Variants in PRDM9 observed in about 807,000 individuals in gnomAD.
PRDM9 encodes PR/SET domain 9.
In PRDM9, 47 loss-of-function variants were observed where a neutral mutation model predicts 55.6. That is an observed-to-expected ratio of 0.85 (90% CI 0.67 to 1.08). The LOEUF is 1.08. PRDM9 is among the 50% of genes least tolerant of loss of function. The pLI, the probability that PRDM9 is intolerant of heterozygous loss-of-function variation, is 0.00. For synonymous variants in PRDM9, 312 were observed against 375.7 expected, an observed-to-expected ratio of 0.83 and a Z score of 1.96; for missense variants, 867 against 1,040.3, an observed-to-expected ratio of 0.83 and a Z score of 2.29.
chr5:23,515,907 G>A (rs1003004951), intron 4 of PRDM9, among the ~76,000 whole-genome samples: 10 of 152,092 alleles, frequency 6.6e-5, no homozygotes, highest in African/African-American at 1.9e-4. Flanking sequence ...TTTTCTGATC[G>A]CTGTAGCTTT....
chr5:23,517,555 G>A (rs1480684374), intron 4 of PRDM9, among the ~76,000 whole-genome samples: 2 of 152,172 alleles, frequency 1.3e-5, no homozygotes, highest in Admixed American at 6.5e-5. Flanking sequence ...GGAGGCAGAC[G>A]CAGGTGGATC....
chr5:23,507,898 A>C (rs1054654768), intron 1 of PRDM9, among the ~76,000 whole-genome samples, 186 bp downstream of exon 1: 8 of 151,966 alleles, frequency 5.3e-5, no homozygotes, highest in African/African-American at 1.9e-4. Flanking sequence ...CCCTTCACCC[A>C]GAGGAACAGC....
In PRDM9 at chr5:23,526,274, G is replaced by T; in HGVS notation, c.1186G>T (p.Ala396Ser). 1 of 1,614,110 alleles carries T rather than the reference G, an allele frequency of 6.2e-7. No homozygotes were observed. Among genetic ancestry groups the T allele is most frequent in the South Asian group, 1.1e-5 (1 of 91,078 alleles). The change falls in exon 11 of 11, where the codon GCC (alanine) becomes TCC (serine). Residue 396 changes from alanine (A) to serine (S), a missense_variant. Around this residue, in one of 5 missense-constraint regions of PRDM9, gnomAD observed 662 missense variants for 711.9 expected, o/e 0.93. Coordinates refer to ENST00000296682, the MANE Select transcript of PRDM9 (RefSeq NM_020227.4). Reference sequence around the variant, plus strand: ...CCATCCATGTCCCTCATGCTGTCTGGCCTTTTCAAGTCAGAAATTTCTCAG... The same window carrying T: ...CCATCCATGTCCCTCATGCTGTCTGTCCTTTTCAAGTCAGAAATTTCTCAG... The part of the protein sequence containing the change: ...EIHPCPSCCL[A>S]FSSQKFLSQH...
Position 23,527,315 on chromosome 5 carries a change from A to C in PRDM9, c.2227A>C (p.Thr743Pro). The C allele has an allele frequency of 6.4e-7, 1 of 1,550,622 alleles. No homozygotes were observed. Among genetic ancestry groups the C allele is most frequent in the South Asian group, 1.1e-5 (1 of 87,342 alleles). ...SHLLRHQRTH[T>P]GEKPYVCREC... ...CCTCCTCAGACACCAGAGGACACACACAGGGGAGAAGCCCTATGTCTGCAG... is the reference window on the plus strand; with the variant it reads ...CCTCCTCAGACACCAGAGGACACACCCAGGGGAGAAGCCCTATGTCTGCAG... Residue 743 changes from threonine to proline, a missense_variant, in exon 11 of 11, where the codon ACA becomes CCA. Physicochemically the swap from Thr to Pro is conservative, Grantham distance 38. This residue lies in a region of PRDM9 where 92 missense variants were observed against 185.7 expected (regional missense o/e 0.50). Coordinates refer to ENST00000296682, the MANE Select transcript of PRDM9 (RefSeq NM_020227.4).
intron 4 of PRDM9, among the ~76,000 whole-genome samples, chr5:23,515,614 CTG>C (rs1739195323): frequency 6.6e-6 from 1 of 152,130 alleles, no homozygotes; most frequent in African/African-American, 2.4e-5. Flanking sequence ...AGCTTTTCCT[CTG>C]TGTTTTCTTC....
chr5:23,512,633 A>G (rs1453409395), intron 4 of PRDM9, among the ~76,000 whole-genome samples: 1 of 152,198 alleles, frequency 6.6e-6, no homozygotes, highest in Admixed American at 6.5e-5. Flanking sequence ...TTACTGTGGT[A>G]AGAAATCATA....
chr5:23,517,025 C>T (rs1354735889), intron 4 of PRDM9, among the ~76,000 whole-genome samples: 8 of 150,292 alleles, frequency 5.3e-5, no homozygotes, highest in East Asian at 4.1e-4. Flanking sequence ...TGGTGGTGGG[C>T]GCCTGTAGTC....
chr5:23,511,357 T>G (rs1739094199), intron 4 of PRDM9, among the ~76,000 whole-genome samples: 1 of 152,184 alleles, frequency 6.6e-6, no homozygotes, highest in African/African-American at 2.4e-5. Flanking sequence ...TTTTTGTTTT[T>G]GTTTTTGAGA....
At chr5:23,513,186 A>T (rs2126412292) in intron 4 of PRDM9, among the ~76,000 whole-genome samples, 1 of 152,208 alleles carries the variant, frequency 6.6e-6, no homozygotes, top group East Asian at 1.9e-4. Flanking sequence ...TCTGGTTTTA[A>T]TTTTTTGTGG....
intron 5 of PRDM9, among the ~76,000 whole-genome samples, chr5:23,519,603 C>T (rs565627701): frequency 4.6e-5 from 7 of 151,974 alleles, no homozygotes; most frequent in East Asian, 3.9e-4. Context: ...TGAGGTGATC[C>T]GCCTGCCTTG....
chr5:23,520,784 TC>T (rs1361246885), intron 5 of PRDM9, among the ~76,000 whole-genome samples: 1 of 152,130 alleles, frequency 6.6e-6, no homozygotes, highest in African/African-American at 2.4e-5. Context: ...TCCTCCTCCT[TC>T]CCTTTGACTT....
Position 23,527,756 on chromosome 5 carries a change from T to C in PRDM9, c.2668T>C (p.Cys890Arg). The change falls in exon 11 of 11, where the codon TGC (cysteine) becomes CGC (arginine). Residue 890 changes from cysteine to arginine, a missense_variant. This residue lies in a region of PRDM9 where 86 missense variants were observed against 73.6 expected (regional missense o/e 1.17). Coordinates refer to ENST00000296682, the MANE Select transcript of PRDM9 (RefSeq NM_020227.4). Reference protein sequence around the residue: ...RTHTGEKPYVCREDE With the variant: ...RTHTGEKPYVRREDE ...ACACACAGGGGAGAAGCCCTACGTC[T>C]GCAGGGAGGATGAGTAAGTCATTAG... is the stretch of plus-strand genomic sequence containing the variant. 2 of 1,614,090 alleles carry C rather than the reference T, an allele frequency of 1.2e-6. No homozygotes were observed. The highest frequency in any genetic ancestry group is 1.7e-6 in the Non-Finnish European group (2 of 1,180,004).
At chr5:23,525,159 T>C (rs894912233) in intron 10 of PRDM9, among the ~76,000 whole-genome samples, 1 of 152,232 alleles carries the variant, frequency 6.6e-6, no homozygotes, top group Non-Finnish European at 1.5e-5. Context: ...AAGATTTCTC[T>C]TAGGAGACAG....
intron 3 of PRDM9, 55 bp from the exon 4 acceptor site, chr5:23,509,864 CT>C: frequency 3.1e-6 from 5 of 1,592,180 alleles, no homozygotes; most frequent in South Asian, 1.1e-5. Context: ...TGCCACTGCC[CT>C]TTGTTCCTTC....
chr5:23,517,909 G>A lies in PRDM9; in HGVS notation c.330G>A (p.Val110=), dbSNP rs1283798003. The A allele has an allele frequency of 1.2e-6, 2 of 1,603,158 alleles. No homozygotes were observed. Among genetic ancestry groups the A allele is most frequent in the Non-Finnish European group, 8.5e-7 (1 of 1,170,032 alleles). The part of the protein sequence containing the change: ...QVKPPWMALR[V]EQRKHQKGMP... Reference sequence around the variant, plus strand: ...AACCTCCTTGGATGGCCTTAAGAGTGGAACAGCGTAAACACCAGAAGGTAA... The same window carrying A: ...AACCTCCTTGGATGGCCTTAAGAGTAGAACAGCGTAAACACCAGAAGGTAA... The change falls in exon 5 of 11, where the codon GTG becomes GTA. Residue 110 remains valine, a synonymous_variant. Transcript: ENST00000296682.
Position 23,526,793 on chromosome 5 carries a change from A to C in PRDM9, c.1705A>C (p.Ile569Leu), listed in dbSNP as rs1238692938. 7 of 1,587,694 alleles carry C rather than the reference A, an allele frequency of 4.4e-6. No individual in the cohort carries two copies. The highest frequency in any genetic ancestry group is 2.4e-5 in the East Asian group (1 of 42,244). Reference protein sequence around the residue: ...RGFSWKSHLLIHQRIHTGEKP... With the variant: ...RGFSWKSHLLLHQRIHTGEKP... Reference sequence around the variant, plus strand: ...CTTTAGCTGGAAGTCACACCTCCTCATTCACCAGAGGATACACACAGGGGA... The same window carrying C: ...CTTTAGCTGGAAGTCACACCTCCTCCTTCACCAGAGGATACACACAGGGGA... Residue 569 changes from isoleucine (I) to leucine (L), a missense_variant, in exon 11 of 11, where the codon ATT becomes CTT. Physicochemically the swap from Ile to Leu is conservative, Grantham distance 5. Transcript: ENST00000296682.
chr5:23,514,573 C>T (rs977525857), intron 4 of PRDM9, among the ~76,000 whole-genome samples: 1 of 152,064 alleles, frequency 6.6e-6, no homozygotes, highest in Non-Finnish European at 1.5e-5. Context: ...CTCAGCCCCC[C>T]ACGTAGCTGG....
intron 1 of PRDM9, 65 bp from the exon 2 acceptor site, chr5:23,508,885 A>T (rs1377173293): frequency 1.1e-6 from 1 of 890,106 alleles, no homozygotes; most frequent in Non-Finnish European, 1.8e-6. Flanking sequence ...GATGGAGAAG[A>T]CAGAGCCTGG....
At chr5:23,526,102 A>G (rs370296105) in intron 10 of PRDM9, 131 bp from the exon 11 acceptor site, 5 of 1,101,816 alleles carry the variant, frequency 4.5e-6, no homozygotes, top group East Asian at 4.8e-5. Context: ...AGGTCCATCC[A>G]GCACTTGGTG....
Sources: allele counts gnomAD v4.1 joint callset (sites outside exome capture counted in the v4.1 genomes callset), GRCh38; gene constraint gnomAD v4.1.1; regional missense constraint gnomAD v4.1.1; transcripts MANE v1.5; gene names NCBI Gene and HGNC (gene_info 2026-07-23, HGNC 2026-07-21).